Variants in OTUD7A observed in about 807,000 individuals in gnomAD.
The protein encoded by OTUD7A is OTU domain-containing protein 7A.
OTUD7A carries 12 observed loss-of-function variants against 65.7 expected under a neutral mutation model. The ratio of observed to expected loss-of-function variants is 0.18; its 90% CI spans 0.12 to 0.30. The LOEUF is 0.30. Among genes scored for constraint, OTUD7A ranks in the 10% least tolerant of loss-of-function variants. The probability of loss-of-function intolerance (pLI) is 1.00; values close to 1 mark genes in which losing one functional copy is unlikely to be tolerated. For missense variants in OTUD7A, 1,148 were observed against 1,304.8 expected, an observed-to-expected ratio of 0.88 and a Z score of 1.85; for synonymous variants, 641 against 586.3, an observed-to-expected ratio of 1.09 and a Z score of -1.35.
chr15:31,662,796 G>A (rs1892201978), intron 1 of OTUD7A, among the ~76,000 whole-genome samples: 3 of 152,110 alleles, frequency 2.0e-5, no homozygotes, highest in Admixed American at 2.0e-4. Flanking sequence ...TGAAGACTTA[G>A]GAGTTTTTAC....
At chr15:31,490,445 A>T (rs760598813) in intron 10 of OTUD7A, among the ~76,000 whole-genome samples, 9 of 152,214 alleles carry the variant, frequency 5.9e-5, no homozygotes, top group South Asian at 2.1e-4. Context: ...CTGGAAGAGC[A>T]TTGTTCCACC....
intron 4 of OTUD7A, among the ~76,000 whole-genome samples, chr15:31,567,777 A>T (rs1888922898): frequency 6.6e-6 from 1 of 152,230 alleles, no homozygotes; most frequent in African/African-American, 2.4e-5. Context: ...TGCTCCCCAC[A>T]TCCTGGCTGC....
chr15:31,778,465 C>T (rs1040885710), intron 1 of OTUD7A, among the ~76,000 whole-genome samples: 2 of 152,316 alleles, frequency 1.3e-5, no homozygotes, highest in Admixed American at 6.5e-5. Context: ...ATTTACCTAA[C>T]GAAATAGCAC....
intron 1 of OTUD7A, among the ~76,000 whole-genome samples, chr15:31,756,675 C>G (rs1431070059): frequency 1.0e-5 from 1 of 98,512 alleles, no homozygotes; most frequent in African/African-American, 3.3e-5. Context: ...CACACACACA[C>G]ACACACACAC....
rs764505338 is a variant in OTUD7A at position 31,503,785 on chromosome 15, G to A, written c.927C>T (p.Ser309=). 6.2e-7 allele frequency: 1 copy of A among 1,614,186 alleles called. No individual in the cohort carries two copies. The highest frequency in any genetic ancestry group is 1.7e-5 in the Admixed American group (1 of 60,030). Residue 309 remains serine (S), a synonymous_variant, in exon 9 of 13, where the codon AGC becomes AGT. Coordinates refer to ENST00000307050, the MANE Select transcript of OTUD7A (RefSeq NM_001382637.1). ...GGACAAAAACGTGGAACTCTTCCAGGCTCTCGTACACGGGGTCCTCAGAGT... is the reference window on the plus strand; with the variant it reads ...GGACAAAAACGTGGAACTCTTCCAGACTCTCGTACACGGGGTCCTCAGAGT... The part of the protein sequence containing the change: ...VDNSEDPVYE[S]LEEFHVFVLA...
chr15:31,631,945 C>G (rs1393163797), intron 3 of OTUD7A, among the ~76,000 whole-genome samples: 1 of 152,220 alleles, frequency 6.6e-6, no homozygotes, highest in African/African-American at 2.4e-5. Context: ...TCCATCAGCT[C>G]CTTTAAGGAC....
In OTUD7A at chr15:31,483,453, C is replaced by A; in HGVS notation, c.2643G>T (p.Ser881=). The change falls in exon 13 of 13, where the codon TCG becomes TCT. Residue 881 remains serine (S), a synonymous_variant. Transcript: ENST00000307050. ...GGCCGCCACGGCCGCACTCACCGTT[C>A]GAGCGCGCGGTCGGCGCGTCGGCGT... ...FADADAPTAR[S]NGECGRGGPG... The A allele has an allele frequency of 7.2e-7, 1 of 1,380,902 alleles. No individual in the cohort carries two copies. 85.5% of individuals were successfully genotyped at this position (1,380,902 alleles called of 1,614,324 possible). A position where few individuals can be genotyped will look rare whatever the true frequency, so the allele number is the denominator to read the frequency against.
At chr15:31,697,097 C>CT (rs1033186201) in intron 1 of OTUD7A, among the ~76,000 whole-genome samples, 4 of 135,060 alleles carry the variant, frequency 3.0e-5, no homozygotes, top group African/African-American at 1.0e-4. Context: ...TAAATCATCC[C>CT]TTTTTTAGCT....
chr15:31,751,108 G>A (rs1427441697), intron 1 of OTUD7A, among the ~76,000 whole-genome samples: 1 of 152,058 alleles, frequency 6.6e-6, no homozygotes, highest in Non-Finnish European at 1.5e-5. Flanking sequence ...CTTCTGCACA[G>A]CAAAATAACA....
In OTUD7A at chr15:31,808,137, AAAC is replaced by A. The variant is rs1567034323; in HGVS notation, c.-100+62367_-100+62369del. 3.1e-3 allele frequency among the ~76,000 whole-genome samples: 281 copies of A among 91,546 alleles called. 3 individuals carry two copies. The highest frequency in any genetic ancestry group is 6.4e-3 in the Admixed American group (48 of 7,458). 60.1% of individuals were successfully genotyped at this position (91,546 alleles called of 152,430 possible). Reference sequence around the variant, plus strand: ...CACACACACACACACACACACACACAAACAAATCCTCACCAGGTTTTTCCTTCA... The same window carrying A: ...CACACACACACACACACACACACACAAAATCCTCACCAGGTTTTTCCTTCA... On this transcript the variant is annotated intron_variant, in intron 1 of 12. Transcript: ENST00000307050.
intron 3 of OTUD7A, among the ~76,000 whole-genome samples, chr15:31,651,596 CACACACACACACA>C (rs1237640439): frequency 3.3e-5 from 5 of 151,492 alleles, no homozygotes; most frequent in African/African-American, 1.2e-4. Flanking sequence ...CACACACACA[CACACACACACACA>C]CACACACACA....
At chr15:31,673,007 T>C (rs117629160) in intron 1 of OTUD7A, among the ~76,000 whole-genome samples, 1 of 152,178 alleles carries the variant, frequency 6.6e-6, no homozygotes, top group Non-Finnish European at 1.5e-5. Flanking sequence ...GGGCTTAGGA[T>C]CCCAAAAAGG....
intron 1 of OTUD7A, among the ~76,000 whole-genome samples, chr15:31,790,118 C>G (rs1895776138): frequency 6.6e-6 from 1 of 152,220 alleles, no homozygotes; most frequent in African/African-American, 2.4e-5. Flanking sequence ...TATAAAGTCA[C>G]ATTGACGGGA....
chr15:31,662,275 G>C (rs1209047495), intron 1 of OTUD7A, among the ~76,000 whole-genome samples: 4 of 152,174 alleles, frequency 2.6e-5, no homozygotes, highest in African/African-American at 9.7e-5. Context: ...TCACCCAGTG[G>C]TAGACACCTA....
At chr15:31,645,831 T>C (rs934237907) in intron 3 of OTUD7A, among the ~76,000 whole-genome samples, 5 of 152,194 alleles carry the variant, frequency 3.3e-5, no homozygotes, top group Admixed American at 2.0e-4. Flanking sequence ...AAAAGTTTTG[T>C]TAGAACACAG....
intron 5 of OTUD7A, chr15:31,556,999 A>C (rs555156835): frequency 6.6e-6 from 1 of 152,282 alleles, no homozygotes; most frequent in African/African-American, 2.4e-5. Flanking sequence ...GGTGCCAGTC[A>C]TTGGATTGCT....
At chr15:31,726,039 C>A (rs1893873251) in intron 1 of OTUD7A, among the ~76,000 whole-genome samples, 1 of 130,204 alleles carries the variant, frequency 7.7e-6, no homozygotes, top group South Asian at 2.9e-4. Flanking sequence ...AGTCCTCAAC[C>A]CTGAGCCAGA....
chr15:31,746,827 A>G (rs1356351879), intron 1 of OTUD7A, among the ~76,000 whole-genome samples: 1 of 152,170 alleles, frequency 6.6e-6, no homozygotes, highest in Non-Finnish European at 1.5e-5. Context: ...CAAAACAAAT[A>G]CAGTCTAAAT....
intron 1 of OTUD7A, among the ~76,000 whole-genome samples, chr15:31,847,606 C>G (rs981462154): frequency 6.6e-6 from 1 of 152,152 alleles, no homozygotes; most frequent in African/African-American, 2.4e-5. Context: ...CTTTGGAGAT[C>G]TGAAGAGCTC....
Sources: allele counts gnomAD v4.1 joint callset (sites outside exome capture counted in the v4.1 genomes callset), GRCh38; gene constraint gnomAD v4.1.1; transcripts MANE v1.5; gene names NCBI Gene and HGNC (gene_info 2026-07-23, HGNC 2026-07-21).